CTSO: variants seen among roughly 807,000 people sequenced by gnomAD.
CTSO encodes cathepsin O.
In CTSO, 40 loss-of-function variants were observed where a neutral mutation model predicts 42.4. That is an observed-to-expected ratio of 0.94 (90% CI 0.73 to 1.23). CTSO has a LOEUF of 1.23. Among genes scored for constraint, CTSO ranks in the 50% most tolerant of loss-of-function variants. The pLI is 0.00. For synonymous variants in CTSO, 156 were observed against 146.2 expected (o/e 1.07, Z -0.48); for missense variants, 441 against 396.0 (o/e 1.11, Z -0.96).
At chr4:155,935,205 A>T (rs1743309060) in intron 5 of CTSO, among the ~76,000 whole-genome samples, 1 of 152,164 alleles carries the variant, frequency 6.6e-6, no homozygotes, top group South Asian at 2.1e-4. Flanking sequence ...CCACGTAAGT[A>T]GTGCCTTTTA....
chr4:155,949,039 G>C (rs748877426), intron 1 of CTSO, among the ~76,000 whole-genome samples: 1 of 152,188 alleles, frequency 6.6e-6, no homozygotes, highest in Non-Finnish European at 1.5e-5. Context: ...AAACTGTTGA[G>C]TTTTCATTTC....
intron 1 of CTSO, among the ~76,000 whole-genome samples, chr4:155,949,678 G>A (rs879631178): frequency 2.6e-5 from 4 of 152,130 alleles, no homozygotes; most frequent in East Asian, 1.9e-4. Flanking sequence ...GAGTGCTTTC[G>A]TTTCTGGAAA....
At chr4:155,934,257 T>C (rs749401117) in intron 5 of CTSO, among the ~76,000 whole-genome samples, 58 of 152,160 alleles carry the variant, frequency 3.8e-4, no homozygotes, top group Admixed American at 3.2e-3. Context: ...TGCGGGTACA[T>C]AGAAGACAAG....
At chr4:155,953,384 T>G (rs534456189) in intron 1 of CTSO, among the ~76,000 whole-genome samples, 2 of 152,136 alleles carry the variant, frequency 1.3e-5, no homozygotes, top group Admixed American at 6.5e-5. Flanking sequence ...ATAGAGGGGA[T>G]TGCTAAAAGG....
Position 155,953,709 on chromosome 4 carries a change from G to C in CTSO, c.135+4C>G. The stretch of plus-strand genomic sequence containing the variant: ...CAGATCCCGGGGAGGCGCGCGCTCG[G>C]TACCCGGAAGGCGGCGGCTTCACGC... On this transcript the variant is annotated splice_donor_region_variant and intron_variant, in intron 1 of 7. Coordinates refer to ENST00000433477, the MANE Select transcript of CTSO (RefSeq NM_001334.3). 4 of 1,269,022 alleles carry C rather than the reference G, an allele frequency of 3.2e-6. No individual in the cohort carries two copies. Among genetic ancestry groups the C allele is most frequent in the Non-Finnish European group, 4.0e-6 (4 of 1,008,236 alleles). The allele number at this position is 1,269,022 out of a possible 1,614,324, so 78.6% of individuals were successfully genotyped here.
chr4:155,935,274 C>T (rs1223854154), intron 5 of CTSO, among the ~76,000 whole-genome samples: 1 of 152,114 alleles, frequency 6.6e-6, no homozygotes, highest in Non-Finnish European at 1.5e-5. Context: ...CCAATTAAAC[C>T]TCTTTTTCTT....
chr4:155,928,745 A>C (rs1743177018), intron 6 of CTSO, among the ~76,000 whole-genome samples: 1 of 152,230 alleles, frequency 6.6e-6, no homozygotes, highest in Admixed American at 6.5e-5. Flanking sequence ...GTATGATAAA[A>C]TAATATGCAC....
intron 5 of CTSO, among the ~76,000 whole-genome samples, chr4:155,930,472 T>C (rs1010685763): frequency 6.6e-6 from 1 of 152,222 alleles, no homozygotes; most frequent in Admixed American, 6.5e-5. Flanking sequence ...TAAAGTCTCA[T>C]ATTATACAAC....
intron 4 of CTSO, 121 bp from the exon 5 acceptor site, chr4:155,937,604 G>A: frequency 1.2e-5 from 11 of 946,222 alleles, no homozygotes; most frequent in Non-Finnish European, 1.6e-5. Flanking sequence ...GATATACTTT[G>A]CGTTCTTTTT....
intron 5 of CTSO, among the ~76,000 whole-genome samples, chr4:155,934,035 G>A (rs1436251781): frequency 6.6e-6 from 1 of 152,222 alleles, no homozygotes; most frequent in African/African-American, 2.4e-5. Flanking sequence ...AATGTCTTCA[G>A]GTTATGTCAG....
intron 1 of CTSO, among the ~76,000 whole-genome samples, chr4:155,944,986 G>A (rs956419764): frequency 6.7e-6 from 1 of 148,212 alleles, no homozygotes; most frequent in African/African-American, 2.5e-5. Context: ...CCTGGGAGCA[G>A]TGGCTCACAC....
intron 5 of CTSO, among the ~76,000 whole-genome samples, chr4:155,932,453 A>C (rs2110910074): frequency 6.6e-6 from 1 of 152,310 alleles, no homozygotes; most frequent in South Asian, 2.1e-4. Context: ...GCCCAGTTAT[A>C]GCAAATGCTT....
chr4:155,953,788 G>T lies in CTSO; in HGVS notation c.60C>A (p.Gly20=). ...AGGGGGCGCGGGAGTCCGCATCGCC[G>T]CCGCCCCGGCACAGCAGCCACAGCA... ...PWLLWLLCRG[G]GDADSRAPFT... Residue 20 remains glycine (G), a synonymous_variant, in exon 1 of 8, where the codon GGC becomes GGA. Transcript: ENST00000433477. 2.2e-6 allele frequency: 3 copies of T among 1,342,034 alleles called. No homozygotes were observed. Among genetic ancestry groups the T allele is most frequent in the Non-Finnish European group, 1.9e-6 (2 of 1,043,108 alleles). 83.1% of individuals were successfully genotyped at this position (1,342,034 alleles called of 1,614,324 possible). A position where few individuals can be genotyped will look rare whatever the true frequency, so the allele number is the denominator to read the frequency against.
chr4:155,953,041 AAATCT>A (rs1274970230), intron 1 of CTSO, among the ~76,000 whole-genome samples: 1 of 151,266 alleles, frequency 6.6e-6, no homozygotes, highest in East Asian at 1.9e-4. Context: ...TGCTAGACTC[AAATCT>A]AAGTATTTAT....
chr4:155,928,246 A>G, intron 7 of CTSO, 90 bp downstream of exon 7: 2 of 864,976 alleles, frequency 2.3e-6, no homozygotes, highest in Non-Finnish European at 3.4e-6. Flanking sequence ...TATTACTGCT[A>G]AAGTGGTTTG....
intron 5 of CTSO, among the ~76,000 whole-genome samples, chr4:155,932,308 C>T (rs1743250569): frequency 6.6e-6 from 1 of 152,112 alleles, no homozygotes. Flanking sequence ...GGAGTAAAAG[C>T]ACAAGCTTTG....
chr4:155,944,160 A>T (rs1743493473), intron 1 of CTSO, among the ~76,000 whole-genome samples: 1 of 152,208 alleles, frequency 6.6e-6, no homozygotes, highest in Admixed American at 6.5e-5. Context: ...GACACACAAT[A>T]GATCCTTGAT....
chr4:155,953,797 GCACAGCAGCCACAGCAGC>G lies in CTSO; in HGVS notation c.33_50del (p.Trp11_Leu16del). On this transcript the variant is annotated inframe_deletion, in exon 1 of 8. Transcript: ENST00000433477. ...GGGAGTCCGCATCGCCGCCGCCCCG[GCACAGCAGCCACAGCAGC>G]CACGGCAGCCACGGCAGCGCCCGCA... 1.2e-5 allele frequency: 16 copies of G among 1,351,256 alleles called. No individual in the cohort carries two copies. The highest frequency in any genetic ancestry group is 1.4e-5 in the Non-Finnish European group (15 of 1,048,004). 83.7% of individuals were successfully genotyped at this position (1,351,256 alleles called of 1,614,324 possible). A position where few individuals can be genotyped will look rare whatever the true frequency, so the allele number is the denominator to read the frequency against.
intron 3 of CTSO, among the ~76,000 whole-genome samples, chr4:155,941,716 G>C (rs1446694821): frequency 6.6e-6 from 1 of 152,108 alleles, no homozygotes; most frequent in Non-Finnish European, 1.5e-5. Context: ...CATAGGTGGT[G>C]ATTTTCTGGA....
Sources: allele counts gnomAD v4.1 joint callset (sites outside exome capture counted in the v4.1 genomes callset), GRCh38; gene constraint gnomAD v4.1.1; transcripts MANE v1.5; gene names NCBI Gene and HGNC (gene_info 2026-07-23, HGNC 2026-07-21).